MED13: variants seen among roughly 807,000 people sequenced by gnomAD.
MED13 encodes the protein mediator of RNA polymerase II transcription subunit 13.
Under a neutral mutation model 225.2 loss-of-function variants are expected in MED13, and 23 were observed. The observed-to-expected ratio is 0.10, with a 90% CI of 0.07 to 0.14. MED13 has a LOEUF of 0.14. MED13 is among the 10% of genes least tolerant of loss of function. The pLI, the probability that MED13 is intolerant of heterozygous loss-of-function variation, is 1.00. For missense variants in MED13, 2,197 were observed against 2,594.5 expected, an observed-to-expected ratio of 0.85 and a Z score of 3.33; for synonymous variants, 942 against 889.2, an observed-to-expected ratio of 1.06 and a Z score of -1.06.
chr17:62,029,628 C>T lies in MED13; in HGVS notation c.1196G>A (p.Gly399Asp). The T allele has an allele frequency of 1.2e-6, 2 of 1,613,604 alleles. No homozygotes were observed. The highest frequency in any genetic ancestry group is 1.7e-6 in the Non-Finnish European group (2 of 1,179,778). ...AGCTGTCGCTTCTTCGCATAGACCA[C>T]CTGATGAAGCAGAATACTTCCTCCT... The part of the protein sequence containing the change: ...QNKRKYSASS[G>D]GLCEEATAAK... Residue 399 changes from glycine to aspartate, a missense_variant, in exon 8 of 30, where the codon GGT (glycine) becomes GAT (aspartate). Coordinates refer to ENST00000397786, the MANE Select transcript of MED13 (RefSeq NM_005121.3).
intron 3 of MED13, 136 bp downstream of exon 3, chr17:62,052,401 A>C (rs1568004285): frequency 2.0e-6 from 1 of 503,492 alleles, no homozygotes. Context: ...AAAAAACCTG[A>C]CTGTATCTAG....
At chr17:62,050,846 A>G (rs1178170543) in intron 3 of MED13, among the ~76,000 whole-genome samples, 1 of 152,154 alleles carries the variant, frequency 6.6e-6, no homozygotes, top group East Asian at 1.9e-4. Context: ...TCTACTAAAA[A>G]TACACAAAAT....
intron 3 of MED13, among the ~76,000 whole-genome samples, chr17:62,045,038 T>A (rs1191911017): frequency 1.4e-5 from 2 of 146,262 alleles, no homozygotes; most frequent in Non-Finnish European, 1.5e-5. Flanking sequence ...TTTAACAACA[T>A]ATTTTTTCCA....
At position 62,031,611 on chromosome 17, in the gene MED13, C is replaced by T. The variant is rs1238761431; in HGVS notation, c.842G>A (p.Cys281Tyr). Reference sequence around the variant, plus strand: ...GTCTGACTGAGGGACTAGAACAAAGCATGCTGGGTAGATCATTCGGACACC... The same window carrying T: ...GTCTGACTGAGGGACTAGAACAAAGTATGCTGGGTAGATCATTCGGACACC... Reference protein sequence around the residue: ...VAGVRMIYPACFVLVPQSDIP... With the variant: ...VAGVRMIYPAYFVLVPQSDIP... The change falls in exon 6 of 30, where the codon TGC (cysteine) becomes TAC (tyrosine). Residue 281 changes from cysteine to tyrosine, a missense_variant. This residue lies in a region of MED13 where 884 missense variants were observed against 918.5 expected (regional missense o/e 0.96). Coordinates refer to ENST00000397786, the MANE Select transcript of MED13 (RefSeq NM_005121.3). 1.2e-6 allele frequency: 2 copies of T among 1,605,554 alleles called. No homozygotes were observed. Among genetic ancestry groups the T allele is most frequent in the East Asian group, 4.5e-5 (2 of 44,386 alleles).
intron 3 of MED13, among the ~76,000 whole-genome samples, chr17:62,036,105 A>C (rs1324613081): frequency 7.0e-6 from 1 of 143,744 alleles, no homozygotes; most frequent in Non-Finnish European, 1.5e-5. Flanking sequence ...TTTTTTTTTT[A>C]AAGAAAAAAA....
At chr17:61,948,913 CATCTCT>C (rs2079873558) in intron 28 of MED13, among the ~76,000 whole-genome samples, 1 of 150,996 alleles carries the variant, frequency 6.6e-6, no homozygotes, top group Non-Finnish European at 1.5e-5. Context: ...GGTGAAACCC[CATCTCT>C]ACTAAAAAAA....
intron 1 of MED13, among the ~76,000 whole-genome samples, chr17:62,064,636 CT>C (rs1000657268): frequency 2.6e-5 from 4 of 152,190 alleles, no homozygotes; most frequent in African/African-American, 9.7e-5. Context: ...AAGAAAGAAA[CT>C]AACCTGGCGT....
chr17:61,984,852 A>T lies in MED13; in HGVS notation c.2490T>A (p.Leu830=). The change falls in exon 14 of 30, where the codon CTT becomes CTA. Residue 830 remains leucine (L), a synonymous_variant. Coordinates refer to ENST00000397786, the MANE Select transcript of MED13 (RefSeq NM_005121.3). ...DPLSCISTAD[L]HKMYPTPPSL... ...ATGGTGGTGTAGGATACATTTTATGAAGATCTGCAGTGCCTATATTTAATA... is the reference window on the plus strand; with the variant it reads ...ATGGTGGTGTAGGATACATTTTATGTAGATCTGCAGTGCCTATATTTAATA... 6.2e-7 allele frequency: 1 copy of T among 1,612,004 alleles called. No homozygotes were observed. The highest frequency in any genetic ancestry group is 8.5e-7 in the Non-Finnish European group (1 of 1,178,796).
chr17:61,952,802 AT>A (rs1364607489), intron 27 of MED13, among the ~76,000 whole-genome samples, 162 bp downstream of exon 27: 3 of 152,214 alleles, frequency 2.0e-5, no homozygotes, highest in African/African-American at 2.4e-5. Context: ...TTACCCGGCT[AT>A]TTTTTACATT....
intron 9 of MED13, chr17:62,003,865 CATTCTT>C (rs976236838): frequency 2.0e-5 from 3 of 152,168 alleles, no homozygotes; most frequent in Admixed American, 6.5e-5. Context: ...TCCTCCTTCT[CATTCTT>C]ATTCAGTGAG....
Position 61,965,269 on chromosome 17 carries a change from G to C in MED13, c.4581C>G (p.Ala1527=). Residue 1527 remains alanine, a synonymous_variant, in exon 20 of 30, where the codon GCC becomes GCG. Transcript: ENST00000397786. ...TSGVAISTSV[A]TANSTLTTAS... ...CTGTGGTCAAAGTTGAATTAGCTGT[G>C]GCAACTGAAGTAGATATGGCAACAC... is the stretch of plus-strand genomic sequence containing the variant. 1 of 1,614,146 alleles carries C rather than the reference G, an allele frequency of 6.2e-7. No homozygotes were observed. Among genetic ancestry groups the C allele is most frequent in the Non-Finnish European group, 8.5e-7 (1 of 1,179,986 alleles).
chr17:61,984,937 G>A (rs1434652524), intron 13 of MED13, 63 bp downstream of exon 13: 1 of 1,592,736 alleles, frequency 6.3e-7, no homozygotes, highest in South Asian at 1.1e-5. Context: ...CAAAAGGAGT[G>A]GGGAGCTTTG....
Position 61,960,916 on chromosome 17 carries a change from A to G in MED13, c.5431T>C (p.Tyr1811His). ...RWILASCTDL[Y>H]GELLETCIIN... Reference sequence around the variant, plus strand: ...ATACAAGTTTCTAAAAGTTCTCCATATAGATCTGTGCAAGATGCAAGAATC... The same window carrying G: ...ATACAAGTTTCTAAAAGTTCTCCATGTAGATCTGTGCAAGATGCAAGAATC... Residue 1811 changes from tyrosine (Y) to histidine (H), a missense_variant, in exon 23 of 30, where the codon TAT becomes CAT. Physicochemically the swap from Tyr to His is moderately conservative, Grantham distance 83 (BLOSUM62 2). Transcript: ENST00000397786. 1 of 1,613,714 alleles carries G rather than the reference A, an allele frequency of 6.2e-7. No individual in the cohort carries two copies. The highest frequency in any genetic ancestry group is 1.7e-4 in the Middle Eastern group (1 of 5,986).
At chr17:62,062,200 T>A (rs1489529889) in intron 2 of MED13, among the ~76,000 whole-genome samples, 3 of 152,204 alleles carry the variant, frequency 2.0e-5, no homozygotes, top group Non-Finnish European at 4.4e-5. Context: ...ACTATCTTAC[T>A]GAAGTCTTTG....
At chr17:61,989,574 G>A (rs1371747788) in intron 11 of MED13, among the ~76,000 whole-genome samples, 1 of 152,050 alleles carries the variant, frequency 6.6e-6, no homozygotes, top group Non-Finnish European at 1.5e-5. Context: ...CTGACCTCAG[G>A]TGATCTGCCC....
intron 3 of MED13, chr17:62,036,800 C>T (rs1350828207): frequency 6.6e-6 from 1 of 152,086 alleles, no homozygotes; most frequent in Non-Finnish European, 1.5e-5. Flanking sequence ...GAAATTTAAG[C>T]ATGTTATTCA....
At chr17:62,012,403 C>T (rs1336666604) in intron 8 of MED13, among the ~76,000 whole-genome samples, 3 of 146,560 alleles carry the variant, frequency 2.0e-5, no homozygotes, top group Non-Finnish European at 3.0e-5. Context: ...GATCTCAGCT[C>T]ACCGCAACCT....
intron 3 of MED13, among the ~76,000 whole-genome samples, chr17:62,050,499 CAAAA>C (rs200105012): frequency 7.6e-6 from 1 of 131,482 alleles, no homozygotes; most frequent in Non-Finnish European, 1.7e-5. Flanking sequence ...CTGTTGTGAC[CAAAA>C]AAAAAAAAAG....
intron 9 of MED13, 58 bp from the exon 10 acceptor site, chr17:61,995,423 A>G: frequency 7.9e-7 from 1 of 1,259,854 alleles, no homozygotes; most frequent in Non-Finnish European, 1.1e-6. Context: ...AATTTCCAAA[A>G]TGACGTTAAG....
Sources: allele counts gnomAD v4.1 joint callset (sites outside exome capture counted in the v4.1 genomes callset), GRCh38; gene constraint gnomAD v4.1.1; regional missense constraint gnomAD v4.1.1; transcripts MANE v1.5; gene names NCBI Gene and HGNC (gene_info 2026-07-23, HGNC 2026-07-21).